AAMP: variants seen among roughly 807,000 people sequenced by gnomAD.
AAMP encodes angio associated migratory cell protein, also known as angio-associated migratory cell protein.
AAMP carries 12 observed loss-of-function variants against 51.1 expected under a neutral mutation model. The ratio of observed to expected loss-of-function variants is 0.23; its 90% CI spans 0.15 to 0.38. The LOEUF (loss-of-function observed/expected upper bound fraction) is 0.38, where lower values mean the gene tolerates loss of function less well. AAMP is among the 10% of genes least tolerant of loss of function. AAMP has a pLI of 1.00. For synonymous variants in AAMP, 210 were observed against 218.7 expected (o/e 0.96, Z 0.35); for missense variants, 418 against 557.2 (o/e 0.75, Z 2.52).
chr2:218,265,905 T>G lies in AAMP; in HGVS notation c.805A>C (p.Asn269His). The G allele has an allele frequency of 6.2e-7, 1 of 1,614,036 alleles. No individual in the cohort carries two copies. Among genetic ancestry groups the G allele is most frequent in the East Asian group, 2.2e-5 (1 of 44,876 alleles). ...GTTAGGATCAAGCTGCCATCCTGGT[T>G]GGCAGCAACACAGGTGAGTGGGCCC... ...HQGPLTCVAA[N>H]QDGSLILTGS... The change falls in exon 7 of 11, where the codon AAC becomes CAC. Residue 269 changes from asparagine to histidine, a missense_variant. Asn to His is a moderately conservative substitution (Grantham distance 68). Transcript: ENST00000248450. The surrounding 1 kb of genome is among the most constrained non-coding windows in gnomAD (Gnocchi z 6.6).
At position 218,265,196 on chromosome 2, in the gene AAMP, G is replaced by C; in HGVS notation, c.1075-22C>G. ...CCGACTGCCCCGAGGAATGACAGAGGCAGGGCGGAGGTTGGCAGGAGAGCT... is the reference window on the plus strand; with the variant it reads ...CCGACTGCCCCGAGGAATGACAGAGCCAGGGCGGAGGTTGGCAGGAGAGCT... On this transcript the variant is annotated intron_variant, in intron 9 of 10. Transcript: ENST00000248450. This position sits in a 1 kb window ranked among gnomAD's most constrained non-coding sequence, Gnocchi z 6.6. The C allele has an allele frequency of 6.4e-7, 1 of 1,572,088 alleles. No homozygotes were observed. The highest frequency in any genetic ancestry group is 8.6e-7 in the Non-Finnish European group (1 of 1,158,954).
intron 1 of AAMP, 24 bp from the exon 2 acceptor site, chr2:218,269,558 GAT>G: frequency 6.2e-7 from 1 of 1,614,134 alleles, no homozygotes. Flanking sequence ...AGGGTTAGAA[GAT>G]GGGGCTCGGG....
chr2:218,265,472 G>A lies in AAMP; in HGVS notation c.984-11C>T, dbSNP rs573771769. The A allele has an allele frequency of 7.6e-5, 120 of 1,575,488 alleles. 1 individual carries two copies. The South Asian group carries it at 1.3e-3, about 16-fold the overall frequency. On this transcript the variant is annotated splice_polypyrimidine_tract_variant and intron_variant, in intron 8 of 10. Coordinates refer to ENST00000248450, the MANE Select transcript of AAMP (RefSeq NM_001087.5). This position sits in a 1 kb window ranked among gnomAD's most constrained non-coding sequence, Gnocchi z 6.6. ...GCTGCCAGGGGCATCCTGGCCAGAG[G>A]AGCGTACCATGAAGACTCATGAGGG...
At chr2:218,269,721 G>A (rs1376620244) in intron 1 of AAMP, 187 bp from the exon 2 acceptor site, 24 of 1,102,192 alleles carry the variant, frequency 2.2e-5, no homozygotes, top group Non-Finnish European at 3.0e-5. Flanking sequence ...AGACCGTGCG[G>A]TAAGGGAGGG....
chr2:218,269,826 G>A (rs1266523438), intron 1 of AAMP, 140 bp downstream of exon 1: 3 of 1,347,582 alleles, frequency 2.2e-6, no homozygotes, highest in Admixed American at 2.0e-5. Context: ...CTAAGTGTGA[G>A]GGTGGGAGTG....
intron 2 of AAMP, among the ~76,000 whole-genome samples, chr2:218,268,785 G>A (rs920336589): frequency 2.1e-5 from 3 of 142,024 alleles, no homozygotes; most frequent in South Asian, 2.3e-4. Flanking sequence ...TGCAACCTCC[G>A]CCTCCCGGGT....
intron 2 of AAMP, among the ~76,000 whole-genome samples, chr2:218,268,684 T>A (rs2106173689): frequency 6.7e-6 from 1 of 148,198 alleles, no homozygotes; most frequent in Middle Eastern, 3.5e-3. Flanking sequence ...TTAACTTTTA[T>A]CAAAGATAAC....
Position 218,266,568 on chromosome 2 carries a change from C to T in AAMP, c.554G>A (p.Arg185Gln), listed in dbSNP as rs150276046. ...GDLEWMEWHP[R>Q]APVLLAGTAD... is the part of the protein sequence containing the mutation. Reference sequence around the variant, plus strand: ...TGTGCCCGCCAACAGGACAGGTGCCCGAGGATGCCACTCCATCCACTGGAC... The same window carrying T: ...TGTGCCCGCCAACAGGACAGGTGCCTGAGGATGCCACTCCATCCACTGGAC... The change falls in exon 5 of 11, where the codon CGG becomes CAG. Residue 185 changes from arginine (R) to glutamine (Q), a missense_variant. By Grantham distance (43) the Arg-to-Gln change is conservative (BLOSUM62 1). Transcript: ENST00000248450. This position sits in a 1 kb window ranked among gnomAD's most constrained non-coding sequence, Gnocchi z 4.7. The T allele has an allele frequency of 9.9e-6, 16 of 1,613,334 alleles. No homozygotes were observed. Among genetic ancestry groups the T allele is most frequent in the African/African-American group, 5.3e-5 (4 of 75,004 alleles).
At position 218,265,261 on chromosome 2, in the gene AAMP, C is replaced by T. The variant is rs1458317231; in HGVS notation, c.1075-87G>A. On this transcript the variant is annotated intron_variant, in intron 9 of 10. Coordinates refer to ENST00000248450, the MANE Select transcript of AAMP (RefSeq NM_001087.5). The surrounding 1 kb of genome is among the most constrained non-coding windows in gnomAD (Gnocchi z 6.6). ...CCCAATTCTCAAAGAGGGACAGCCA[C>T]ACACAAGGGCCAGGCAGGAGCCAGA... is the stretch of plus-strand genomic sequence containing the variant. 2 of 1,555,456 alleles carry T rather than the reference C, an allele frequency of 1.3e-6. No individual in the cohort carries two copies. The highest frequency in any genetic ancestry group is 4.6e-5 in the East Asian group (2 of 43,212).
chr2:218,264,617 A>G lies in AAMP; in HGVS notation c.1230-9T>C, dbSNP rs755739946. Reference sequence around the variant, plus strand: ...CCACCAGGGAGGCATCTCTGTAAACAGAAAGCATGTGATTGCAGAGACTGG... The same window carrying G: ...CCACCAGGGAGGCATCTCTGTAAACGGAAAGCATGTGATTGCAGAGACTGG... On this transcript the variant is annotated splice_polypyrimidine_tract_variant and intron_variant, in intron 10 of 10. Coordinates refer to ENST00000248450, the MANE Select transcript of AAMP (RefSeq NM_001087.5). The G allele has an allele frequency of 6.2e-7, 1 of 1,613,786 alleles. No individual in the cohort carries two copies.
At position 218,269,325 on chromosome 2, in the gene AAMP, T is replaced by C. The variant is rs1690722883; in HGVS notation, c.274+57A>G. On this transcript the variant is annotated intron_variant, in intron 2 of 10. Coordinates refer to ENST00000248450, the MANE Select transcript of AAMP (RefSeq NM_001087.5). ...CATAACGTTCTGTCCATGGCTGATG[T>C]TTAATGCTTACACGCCCACCTAAAC... 3.1e-6 allele frequency: 5 copies of C among 1,606,834 alleles called. No homozygotes were observed. The Admixed American group carries it at 5.0e-5, about 16-fold the overall frequency.
In AAMP at chr2:218,265,101, C is replaced by T. The variant is rs373809460; in HGVS notation, c.1148G>A (p.Arg383His). Residue 383 changes from arginine to histidine, a missense_variant, in exon 10 of 11, where the codon CGC becomes CAC. Physicochemically the swap from Arg to His is conservative, Grantham distance 29. Transcript: ENST00000248450. The surrounding 1 kb of genome is among the most constrained non-coding windows in gnomAD (Gnocchi z 6.6). ...VYTCSLDGIV[R>H]LWDARTGRLL... ...GCGGCCGGTCCGGGCGTCCCAGAGGCGCACGATGCCATCCAGGCTGCAGGT... is the reference window on the plus strand; with the variant it reads ...GCGGCCGGTCCGGGCGTCCCAGAGGTGCACGATGCCATCCAGGCTGCAGGT... 3.1e-5 allele frequency: 50 copies of T among 1,612,724 alleles called. No individual in the cohort carries two copies. The East Asian group carries it at 4.5e-4, about 14-fold the overall frequency.
Position 218,266,131 on chromosome 2 carries a change from T to C in AAMP, c.696A>G (p.Val232=). 6.2e-7 allele frequency: 1 copy of C among 1,614,078 alleles called. No homozygotes were observed. The highest frequency in any genetic ancestry group is 2.2e-5 in the East Asian group (1 of 44,870). ...RVLPDGKRAV[V]GYEDGTIRIW... ...TCCTGATGGTCCCATCTTCATAGCC[T>C]ACCACAGCTCTCTTCCCTGAAGAGA... Residue 232 remains valine (V), a synonymous_variant, in exon 6 of 11, where the codon GTA becomes GTG. Transcript: ENST00000248450. This position sits in a 1 kb window ranked among gnomAD's most constrained non-coding sequence, Gnocchi z 4.7.
At chr2:218,269,847 G>A (rs1559494718) in intron 1 of AAMP, 119 bp downstream of exon 1, 7 of 1,472,602 alleles carry the variant, frequency 4.8e-6, no homozygotes, top group Non-Finnish European at 6.5e-6. Context: ...GGGGAGGAGG[G>A]GAAGAGGGAT....
chr2:218,270,087 G>A lies in AAMP; in HGVS notation c.-1C>T, dbSNP rs779907373. The stretch of plus-strand genomic sequence containing the variant: ...CCCCGCTTTCCGATTCGGACTCCAT[G>A]CGGCGCAAGCGGCGGATCCACTTCT... On this transcript the variant is annotated 5_prime_UTR_variant, in exon 1 of 11. Transcript: ENST00000248450. The A allele has an allele frequency of 2.9e-5, 47 of 1,613,640 alleles. No homozygotes were observed. The highest frequency in any genetic ancestry group is 2.3e-4 in the African/African-American group (17 of 74,940).
chr2:218,269,668 C>G lies in AAMP; in HGVS notation c.122-134G>C, dbSNP rs74589966. The stretch of plus-strand genomic sequence containing the variant: ...GTGGAGTCAGACACACCGGGGTCCG[C>G]GGGGGCGCGCGGGACACAGGACGGG... On this transcript the variant is annotated intron_variant, in intron 1 of 10. Coordinates refer to ENST00000248450, the MANE Select transcript of AAMP (RefSeq NM_001087.5). The G allele has an allele frequency of 1.8e-3, 2,539 of 1,444,198 alleles. 28 individuals are homozygous for G. The African/African-American group carries it at 0.02, about 12-fold the overall frequency. The allele number at this position is 1,444,198 out of a possible 1,614,324, so 89.5% of individuals were successfully genotyped here.
At position 218,267,664 on chromosome 2, in the gene AAMP, C is replaced by T; in HGVS notation, c.275-51G>A. 6.2e-7 allele frequency: 1 copy of T among 1,607,768 alleles called. No homozygotes were observed. The highest frequency in any genetic ancestry group is 8.5e-7 in the Non-Finnish European group (1 of 1,174,934). ...AAGGGGACAGAGCTCCCACCTAGGG[C>T]TCTGTCCTTCACAATCTTCAGGAAA... is the stretch of plus-strand genomic sequence containing the variant. On this transcript the variant is annotated intron_variant, in intron 2 of 10. Transcript: ENST00000248450. The surrounding 1 kb of genome is among the most constrained non-coding windows in gnomAD (Gnocchi z 4.6).
Position 218,265,811 on chromosome 2 carries a change from C to A in AAMP, c.879+20G>T, listed in dbSNP as rs573911147. The A allele has an allele frequency of 6.2e-7, 1 of 1,602,910 alleles. No individual in the cohort carries two copies. Among genetic ancestry groups the A allele is most frequent in the Non-Finnish European group, 8.5e-7 (1 of 1,172,108 alleles). ...GAGTCGGGAAAGCGGAGGCCCCAGC[C>A]GGGCTCCAGGTCCACTCACCTTGCC... On this transcript the variant is annotated intron_variant, in intron 7 of 10. Coordinates refer to ENST00000248450, the MANE Select transcript of AAMP (RefSeq NM_001087.5). The surrounding 1 kb of genome is among the most constrained non-coding windows in gnomAD (Gnocchi z 6.6).
Position 218,265,432 on chromosome 2 carries a change from T to A in AAMP, c.1013A>T (p.Asp338Val). The change falls in exon 9 of 11, where the codon GAT becomes GTT. Residue 338 changes from aspartate (D) to valine (V), a missense_variant. Coordinates refer to ENST00000248450, the MANE Select transcript of AAMP (RefSeq NM_001087.5). This position sits in a 1 kb window ranked among gnomAD's most constrained non-coding sequence, Gnocchi z 6.6. ...CAGGTCATAGATGGCCAAGGTCCCA[T>A]CCAGGTAGCCAACAGCTGCCAGGGG... ...VMPLAAVGYLDGTLAIYDLAT... is the reference protein window; with the variant it reads ...VMPLAAVGYLVGTLAIYDLAT... 1 of 1,566,088 alleles carries A rather than the reference T, an allele frequency of 6.4e-7. No homozygotes were observed. The highest frequency in any genetic ancestry group is 8.7e-7 in the Non-Finnish European group (1 of 1,154,450).
Sources: allele counts gnomAD v4.1 joint callset (sites outside exome capture counted in the v4.1 genomes callset), GRCh38; gene constraint gnomAD v4.1.1; non-coding constraint Gnocchi (gnomAD v3.1); transcripts MANE v1.5; gene names NCBI Gene and HGNC (gene_info 2026-07-23, HGNC 2026-07-21).